The following DGCR2 variants were observed in gnomAD, a reference collection of about 807,000 sequenced individuals.
DGCR2 encodes the protein DiGeorge syndrome critical region gene 2.
A neutral mutation model predicts 51.6 loss-of-function variants in DGCR2; 24 were observed. That is an observed-to-expected ratio of 0.47 (90% CI 0.34 to 0.65). The LOEUF is 0.65. Ranked by LOEUF, DGCR2 falls within the 30% of genes least tolerant of loss-of-function variation. The pLI is 0.01. For missense variants in DGCR2, 765 were observed against 772.1 expected, an observed-to-expected ratio of 0.99 and a Z score of 0.11; for synonymous variants, 340 against 315.4, an observed-to-expected ratio of 1.08 and a Z score of -0.82.
At chr22:19,093,218 G>T (rs1461838715) in intron 1 of DGCR2, among the ~76,000 whole-genome samples, 1 of 152,052 alleles carries the variant, frequency 6.6e-6, no homozygotes, top group Non-Finnish European at 1.5e-5. Flanking sequence ...AAATTAGCCA[G>T]GCATGGTGGT....
intron 1 of DGCR2, among the ~76,000 whole-genome samples, chr22:19,093,120 G>A (rs763901938): frequency 2.0e-5 from 3 of 152,156 alleles, no homozygotes; most frequent in Non-Finnish European, 2.9e-5. Flanking sequence ...CAGCACTTTC[G>A]GAGCCTGAGG....
At chr22:19,087,967 A>T (rs1432286847) in intron 2 of DGCR2, among the ~76,000 whole-genome samples, 1 of 152,148 alleles carries the variant, frequency 6.6e-6, no homozygotes, top group Admixed American at 6.5e-5. Context: ...TACAGGTGTG[A>T]GCCTTCGCAC....
chr22:19,048,329 G>T, intron 7 of DGCR2, 111 bp downstream of exon 7: 3 of 1,127,720 alleles, frequency 2.7e-6, no homozygotes, highest in Non-Finnish European at 3.9e-6. Flanking sequence ...TTGCTGCTGC[G>T]CGATGCTCCA....
intron 7 of DGCR2, chr22:19,047,058 T>A (rs1046250914): frequency 6.4e-6 from 1 of 155,242 alleles, no homozygotes; most frequent in African/African-American, 2.4e-5. Context: ...CACAGGGAAC[T>A]TGATAAGCAC....
At chr22:19,114,955 C>A (rs1178394376) in intron 1 of DGCR2, among the ~76,000 whole-genome samples, 1 of 152,174 alleles carries the variant, frequency 6.6e-6, no homozygotes, top group Non-Finnish European at 1.5e-5. Context: ...AAACTGATAG[C>A]TGTCTGCCAT....
intron 1 of DGCR2, among the ~76,000 whole-genome samples, chr22:19,098,426 G>A (rs1157676707): frequency 6.6e-6 from 1 of 152,202 alleles, no homozygotes; most frequent in Non-Finnish European, 1.5e-5. Context: ...GCTCAACCCT[G>A]CTGCCGTGGA....
intron 1 of DGCR2, among the ~76,000 whole-genome samples, chr22:19,110,333 G>C (rs1381898785): frequency 1.3e-5 from 2 of 152,196 alleles, no homozygotes; most frequent in East Asian, 3.9e-4. Flanking sequence ...CTGCGGGGAA[G>C]TGTCAGCTTC....
chr22:19,082,477 G>C (rs2082950716), intron 2 of DGCR2, among the ~76,000 whole-genome samples: 2 of 152,044 alleles, frequency 1.3e-5, no homozygotes, highest in South Asian at 2.1e-4. Context: ...GCTAGGTATG[G>C]TGGCTCATGC....
chr22:19,080,662 C>T (rs1391467980), intron 2 of DGCR2, among the ~76,000 whole-genome samples: 1 of 152,134 alleles, frequency 6.6e-6, no homozygotes, highest in African/African-American at 2.4e-5. Context: ...AGGGCGAGAC[C>T]TCGTCTCTAC....
At chr22:19,115,742 G>A (rs896903559) in intron 1 of DGCR2, among the ~76,000 whole-genome samples, 2 of 152,098 alleles carry the variant, frequency 1.3e-5, no homozygotes, top group Non-Finnish European at 2.9e-5. Flanking sequence ...TGGCTGTTTC[G>A]GGGGCTCTCA....
At chr22:19,082,272 C>G (rs2082948413) in intron 2 of DGCR2, among the ~76,000 whole-genome samples, 1 of 136,450 alleles carries the variant, frequency 7.3e-6, no homozygotes, top group South Asian at 2.3e-4. Flanking sequence ...CACCACGTTG[C>G]CCTGGCTGGT....
At chr22:19,090,967 C>T (rs2083071670) in intron 1 of DGCR2, among the ~76,000 whole-genome samples, 1 of 152,060 alleles carries the variant, frequency 6.6e-6, no homozygotes, top group African/African-American at 2.4e-5. Context: ...GATACAACTA[C>T]ATATTACCTA....
chr22:19,038,939 C>A lies in DGCR2; in HGVS notation c.1579G>T (p.Gly527Trp), dbSNP rs1360403860. Residue 527 changes from glycine to tryptophan, a missense_variant, in exon 10 of 10, where the codon GGG (glycine) becomes TGG (tryptophan). Transcript: ENST00000263196. ...LLVPPDPAQS[G>W]STPAAEALPG... ...AGTGCCTCTGCAGCTGGGGTGCTCC[C>A]GCTCTGGGCAGGGTCAGGGGGCACG... The A allele has an allele frequency of 6.2e-7, 1 of 1,612,518 alleles. No homozygotes were observed.
intron 6 of DGCR2, among the ~76,000 whole-genome samples, chr22:19,050,948 T>C (rs1297805309): frequency 1.3e-5 from 2 of 151,968 alleles, no homozygotes; most frequent in Admixed American, 1.3e-4. Flanking sequence ...CAGCACTTTG[T>C]GAGGCCGAGG....
intron 4 of DGCR2, 126 bp from the exon 5 acceptor site, chr22:19,063,404 G>C (rs553908675): frequency 1.2e-5 from 10 of 834,680 alleles, no homozygotes; most frequent in Admixed American, 2.2e-5. Flanking sequence ...GCAGTGGTGC[G>C]ATCTCGGCTC....
At chr22:19,075,008 T>C (rs1468610220) in intron 2 of DGCR2, among the ~76,000 whole-genome samples, 1 of 152,256 alleles carries the variant, frequency 6.6e-6, no homozygotes, top group East Asian at 1.9e-4. Flanking sequence ...CAATCTTTCA[T>C]TTCTGGGAAA....
intron 1 of DGCR2, among the ~76,000 whole-genome samples, chr22:19,095,197 T>C (rs2083125390): frequency 6.6e-6 from 1 of 151,960 alleles, no homozygotes; most frequent in South Asian, 2.1e-4. Flanking sequence ...ACCCCATCTC[T>C]ACTAAAAATA....
intron 9 of DGCR2, among the ~76,000 whole-genome samples, chr22:19,040,052 C>A (rs1236535833): frequency 6.6e-6 from 1 of 152,176 alleles, no homozygotes; most frequent in Admixed American, 6.5e-5. Context: ...TGAAAGCTAA[C>A]AGCACAAGGC....
chr22:19,086,037 A>T (rs904781729), intron 2 of DGCR2, among the ~76,000 whole-genome samples: 6 of 152,202 alleles, frequency 3.9e-5, no homozygotes, highest in Non-Finnish European at 7.3e-5. Context: ...ATGATTTTTT[A>T]AAAATTTCTT....
Sources: gnomAD v4.1 joint callset for allele counts (sites outside exome capture counted in the v4.1 genomes callset) on GRCh38, gnomAD v4.1.1 for gene constraint, MANE v1.5 for transcripts, NCBI Gene and HGNC (gene_info 2026-07-23, HGNC 2026-07-21) for gene names.